The following MMAA variants were observed in gnomAD, a reference collection of about 807,000 sequenced individuals.
The protein encoded by MMAA is methylmalonic aciduria type A protein, mitochondrial.
A neutral mutation model predicts 45.0 loss-of-function variants in MMAA; 41 were observed. The ratio of observed to expected loss-of-function variants is 0.91; its 90% CI spans 0.71 to 1.18. MMAA has a LOEUF of 1.18. MMAA is among the 50% of genes most tolerant of loss of function. The probability of loss-of-function intolerance (pLI) is 0.00; values close to 1 mark genes in which losing one functional copy is unlikely to be tolerated. For missense variants in MMAA, 460 were observed against 495.7 expected (o/e 0.93, Z 0.68); for synonymous variants, 154 against 178.2 (o/e 0.86, Z 1.08).
chr4:145,623,439 C>T (rs1406264991), intron 1 of MMAA, among the ~76,000 whole-genome samples: 1 of 152,000 alleles, frequency 6.6e-6, no homozygotes, highest in African/African-American at 2.4e-5. Context: ...GAAATAATAC[C>T]GAGCCCTTCT....
intron 4 of MMAA, among the ~76,000 whole-genome samples, chr4:145,650,097 G>T (rs377493980): frequency 6.6e-6 from 1 of 152,204 alleles, no homozygotes; most frequent in East Asian, 1.9e-4. Flanking sequence ...GAGAAACGTG[G>T]TGATAGTTGG....
rs528636668 is a variant in MMAA at position 145,643,600 on chromosome 4, AATTTT to A, written c.562+1116_562+1120del. On this transcript the variant is annotated intron_variant, in intron 3 of 6. Coordinates refer to ENST00000649156, the MANE Select transcript of MMAA (RefSeq NM_172250.3). ...GAGAAATCTAGCTCAGAACATTCAA[AATTTT>A]TGAGTCACTATAATAAAAAAAGTTA... Among the ~76,000 whole-genome samples the A allele has an allele frequency of 8.8e-4, 134 of 152,276 alleles. 5 individuals carry two copies. In the South Asian group the frequency reaches 0.027, roughly 30 times the overall value.
At chr4:145,631,907 T>C (rs1727450740) in intron 1 of MMAA, among the ~76,000 whole-genome samples, 1 of 152,220 alleles carries the variant, frequency 6.6e-6, no homozygotes, top group Non-Finnish European at 1.5e-5. Context: ...AACAAATGAA[T>C]AGAAAACTAA....
intron 1 of MMAA, among the ~76,000 whole-genome samples, chr4:145,623,203 T>C (rs1734124570): frequency 6.6e-6 from 1 of 152,202 alleles, no homozygotes; most frequent in Non-Finnish European, 1.5e-5. Flanking sequence ...ATACTGTACT[T>C]ACAGTGAGAG....
chr4:145,642,481 T>A lies in MMAA; in HGVS notation c.558T>A (p.Ser186Arg), dbSNP rs201998029. The A allele has an allele frequency of 8.1e-6, 13 of 1,614,060 alleles. No homozygotes were observed. In the African/African-American group the frequency reaches 1.2e-4, roughly 15 times the overall value. Reference protein sequence around the residue: ...VLAVDPSSCTSGGSLLGDKTR... With the variant: ...VLAVDPSSCTRGGSLLGDKTR... ...CTGTGGACCCTTCTTCTTGTACTAG[T>A]GGTGGTAAGTATGGCTGATTCTTTT... Residue 186 changes from serine to arginine, a missense_variant, in exon 3 of 7, where the codon AGT (serine) becomes AGA (arginine). Transcript: ENST00000649156.
chr4:145,654,171 C>T, intron 6 of MMAA, 28 bp downstream of exon 6: 1 of 1,613,438 alleles, frequency 6.2e-7, no homozygotes, highest in South Asian at 1.1e-5. Context: ...CTGTATCTTT[C>T]ACTCTGAATG....
rs1728210226 is a variant in MMAA, at chr4:145,655,655, T to G, written c.*221T>G. 1 of 473,054 alleles carries G rather than the reference T, an allele frequency of 2.1e-6. No individual in the cohort carries two copies. Among genetic ancestry groups the G allele is most frequent in the Non-Finnish European group, 3.7e-6 (1 of 269,756 alleles). The allele number at this position is 473,054 out of a possible 1,614,324, so 29.3% of individuals were successfully genotyped here. On this transcript the variant is annotated 3_prime_UTR_variant, in exon 7 of 7. Transcript: ENST00000649156. ...TATGTTACTGATATCTGTTTCCTTC[T>G]CTTCTTATACCCTGGCATGGTGGCC...
intron 3 of MMAA, 118 bp from the exon 4 acceptor site, chr4:145,645,868 T>TA (rs2126622622): frequency 1.1e-6 from 1 of 872,832 alleles, no homozygotes; most frequent in East Asian, 2.6e-5. Flanking sequence ...AGCTCAGTAA[T>TA]ATGAAATGCA....
At chr4:145,641,219 A>G (rs1727772119) in intron 2 of MMAA, among the ~76,000 whole-genome samples, 1 of 152,232 alleles carries the variant, frequency 6.6e-6, no homozygotes, top group African/African-American at 2.4e-5. Flanking sequence ...TCTAGGTATG[A>G]CAAAGTGCCT....
chr4:145,640,056 T>C (rs1243929046), intron 2 of MMAA, among the ~76,000 whole-genome samples: 2 of 152,200 alleles, frequency 1.3e-5, no homozygotes, highest in Non-Finnish European at 2.9e-5. Context: ...GGAGTGACTG[T>C]AAACCCAGCC....
At chr4:145,632,925 GT>G (rs1261001423) in intron 1 of MMAA, among the ~76,000 whole-genome samples, 1 of 151,426 alleles carries the variant, frequency 6.6e-6, no homozygotes, top group Admixed American at 6.6e-5. Context: ...TAATTTTTTT[GT>G]TTTTTGTAGA....
chr4:145,629,612 T>C (rs1734285100), intron 1 of MMAA, among the ~76,000 whole-genome samples: 1 of 152,158 alleles, frequency 6.6e-6, no homozygotes, highest in South Asian at 2.1e-4. Flanking sequence ...CATTTTCATG[T>C]TGCTGACAAA....
At chr4:145,623,727 C>A (rs1734136189) in intron 1 of MMAA, among the ~76,000 whole-genome samples, 1 of 152,192 alleles carries the variant, frequency 6.6e-6, no homozygotes, top group East Asian at 1.9e-4. Context: ...AGAGAAGCAT[C>A]TATAGGGCAA....
At position 145,651,236 on chromosome 4, in the gene MMAA, T is replaced by C. The variant is rs1390631668; in HGVS notation, c.819+89T>C. The C allele has an allele frequency of 2.8e-6, 3 of 1,068,216 alleles. No individual in the cohort carries two copies. In the African/African-American group the frequency reaches 4.7e-5, roughly 17 times the overall value. 66.2% of individuals were successfully genotyped at this position (1,068,216 alleles called of 1,614,324 possible). ...AATGTTGTGTTTTTGTAAACTAAGT[T>C]GATAATGGTTTAGAAAATGAAATAT... On this transcript the variant is annotated intron_variant, in intron 5 of 6. Coordinates refer to ENST00000649156, the MANE Select transcript of MMAA (RefSeq NM_172250.3).
chr4:145,643,757 T>G (rs938064721), intron 3 of MMAA, among the ~76,000 whole-genome samples: 3 of 152,174 alleles, frequency 2.0e-5, no homozygotes, highest in African/African-American at 7.2e-5. Context: ...TAAGTGGCCC[T>G]CATTTATATA....
chr4:145,644,103 G>C (rs917989987), intron 3 of MMAA, among the ~76,000 whole-genome samples: 1 of 152,096 alleles, frequency 6.6e-6, no homozygotes, highest in Admixed American at 6.5e-5. Context: ...AATCTTTTTT[G>C]TGCTTTAAAT....
At chr4:145,624,275 C>T (rs1223679436) in intron 1 of MMAA, 1 of 797,746 alleles carries the variant, frequency 1.3e-6, no homozygotes, top group Admixed American at 1.7e-5. Context: ...AAGTTATATT[C>T]CTCCTGTAGA....
Position 145,657,036 on chromosome 4 carries a change from T to C in MMAA, c.*1602T>C, listed in dbSNP as rs1055624114. 1 of 152,214 alleles carries C rather than the reference T, an allele frequency of 6.6e-6. No homozygotes were observed. Among genetic ancestry groups the C allele is most frequent in the African/African-American group, 2.4e-5 (1 of 41,460 alleles). 9.4% of individuals were successfully genotyped at this position (152,214 alleles called of 1,614,324 possible). A position where few individuals can be genotyped will look rare whatever the true frequency, so the allele number is the denominator to read the frequency against. ...TTTAGAAACCTGAGAGAAGGAATTT[T>C]ATAATTTCCCTGAGTAAGCTGTTAC... On this transcript the variant is annotated 3_prime_UTR_variant, in exon 7 of 7. Transcript: ENST00000649156.
At chr4:145,654,248 T>C in intron 6 of MMAA, 105 bp downstream of exon 6, 1 of 1,357,382 alleles carries the variant, frequency 7.4e-7, no homozygotes, top group Non-Finnish European at 1.0e-6. Flanking sequence ...TGCTTCTATG[T>C]GAAGATGATA....
Sources: allele counts gnomAD v4.1 joint callset (sites outside exome capture counted in the v4.1 genomes callset), GRCh38; gene constraint gnomAD v4.1.1; transcripts MANE v1.5; gene names NCBI Gene and HGNC (gene_info 2026-07-23, HGNC 2026-07-21).